Variants in BEAN1 observed in about 807,000 individuals in gnomAD.
BEAN1 encodes the protein protein BEAN1.
BEAN1 carries 17 observed loss-of-function variants against 17.7 expected under a neutral mutation model. The ratio of observed to expected loss-of-function variants is 0.96; its 90% CI spans 0.66 to 1.44. BEAN1 has a LOEUF of 1.44. Ranked by LOEUF, BEAN1 falls within the 40% of genes most tolerant of loss-of-function variation. The pLI, the probability that BEAN1 is intolerant of heterozygous loss-of-function variation, is 0.00. For missense variants in BEAN1, 359 were observed against 374.1 expected (o/e 0.96, Z 0.33); for synonymous variants, 142 against 151.8 (o/e 0.94, Z 0.47).
intron 4 of BEAN1, among the ~76,000 whole-genome samples, chr16:66,492,538 C>T (rs893158694): frequency 2.6e-5 from 4 of 152,040 alleles, no homozygotes; most frequent in African/African-American, 4.8e-5. Context: ...CTCCTGGGTT[C>T]GAGCAATTCT....
chr16:66,468,275 G>A (rs1160900506), intron 2 of BEAN1, among the ~76,000 whole-genome samples: 1 of 152,232 alleles, frequency 6.6e-6, no homozygotes, highest in Non-Finnish European at 1.5e-5. Context: ...GACACAGAGA[G>A]TGATCAAACA....
chr16:66,468,190 C>G (rs893236954), intron 2 of BEAN1, among the ~76,000 whole-genome samples: 3 of 152,226 alleles, frequency 2.0e-5, no homozygotes, highest in Non-Finnish European at 2.9e-5. Context: ...CCCATCTGGT[C>G]TCAAGACTGG....
intron 1 of BEAN1, among the ~76,000 whole-genome samples, chr16:66,433,472 C>T (rs1031148190): frequency 2.0e-5 from 3 of 152,184 alleles, no homozygotes; most frequent in African/African-American, 7.2e-5. Context: ...CTGCAGTCAC[C>T]GTTGCCTTTG....
intron 1 of BEAN1, among the ~76,000 whole-genome samples, chr16:66,436,266 C>CTTT (rs560577711): frequency 4.9e-4 from 59 of 120,606 alleles, no homozygotes; most frequent in African/African-American, 1.4e-3. Context: ...TTTTTCTTTT[C>CTTT]TTTTTTTTTT....
downstream of BEAN1, chr16:66,493,621 C>T (rs557704450): frequency 1.6e-4 from 82 of 526,620 alleles, 1 homozygote; most frequent in South Asian, 2.1e-3. Context: ...AGGTGGTCAC[C>T]GCCTCAGGGT....
At chr16:66,491,803 G>A (rs193111642) in intron 4 of BEAN1, among the ~76,000 whole-genome samples, 2 of 152,224 alleles carry the variant, frequency 1.3e-5, no homozygotes, top group East Asian at 1.9e-4. Context: ...ACTGCTGATC[G>A]TGACAGGAGG....
chr16:66,468,444 G>A (rs753321112), intron 2 of BEAN1, among the ~76,000 whole-genome samples: 3 of 152,246 alleles, frequency 2.0e-5, no homozygotes, highest in Non-Finnish European at 4.4e-5. Context: ...TTCATTGAAT[G>A]TCTGAAGCTG....
intron 2 of BEAN1, among the ~76,000 whole-genome samples, chr16:66,450,552 C>A (rs1962634395): frequency 6.6e-6 from 1 of 152,062 alleles, no homozygotes; most frequent in Middle Eastern, 3.4e-3. Flanking sequence ...CCTGTGTATA[C>A]AAACAAAATT....
chr16:66,484,765 G>C, downstream of BEAN1: 1 of 454,138 alleles, frequency 2.2e-6, no homozygotes, highest in South Asian at 1.6e-5. The surrounding 1 kb of genome is among the most constrained non-coding windows in gnomAD (Gnocchi z 4.2). Flanking sequence ...AGTCCCACTG[G>C]TGACTCTGAG....
chr16:66,493,443 G>A (rs890085665), exon 5 of BEAN1: 5 of 610,262 alleles, frequency 8.2e-6, no homozygotes, highest in African/African-American at 1.9e-5. Context: ...GTCCTCTAGG[G>A]CCCCCAGTGC....
chr16:66,451,057 ACT>A (rs974286580), intron 2 of BEAN1: 6 of 153,264 alleles, frequency 3.9e-5, no homozygotes, highest in Admixed American at 3.3e-4. Context: ...GACATATTAT[ACT>A]CTGTTAATAC....
chr16:66,439,694 G>A (rs924024398), intron 2 of BEAN1, among the ~76,000 whole-genome samples: 2 of 152,130 alleles, frequency 1.3e-5, no homozygotes, highest in Admixed American at 6.5e-5. Flanking sequence ...CCAATACCTA[G>A]CATGCAGTAG....
At chr16:66,487,195 G>A (rs1964101333), downstream of BEAN1, among the ~76,000 whole-genome samples, 1 of 152,218 alleles carries the variant, frequency 6.6e-6, no homozygotes, top group Non-Finnish European at 1.5e-5. Flanking sequence ...TGTTCCTGAA[G>A]AGGAACATAA....
chr16:66,465,523 T>C (rs1162352389), intron 2 of BEAN1, among the ~76,000 whole-genome samples: 1 of 152,242 alleles, frequency 6.6e-6, no homozygotes, highest in Non-Finnish European at 1.5e-5. Context: ...ATAAAATTTA[T>C]CACTTTAACC....
intron 2 of BEAN1, among the ~76,000 whole-genome samples, chr16:66,445,602 A>G (rs1287202201): frequency 1.3e-5 from 2 of 151,480 alleles, no homozygotes; most frequent in South Asian, 2.1e-4. Context: ...AGGGAGCCAT[A>G]CAGGTGTCTA....
At chr16:66,438,212 C>T (rs1369455951) in intron 2 of BEAN1, among the ~76,000 whole-genome samples, 2 of 151,902 alleles carry the variant, frequency 1.3e-5, no homozygotes, top group East Asian at 1.9e-4. Context: ...GGTGAAACCC[C>T]GTCTCTACTA....
chr16:66,459,464 C>T (rs1319956936), intron 2 of BEAN1, among the ~76,000 whole-genome samples: 3 of 152,138 alleles, frequency 2.0e-5, no homozygotes, highest in African/African-American at 7.2e-5. Flanking sequence ...GGATTACAAG[C>T]ACCTGCCACC....
chr16:66,493,547 C>T (rs1189492444), downstream of BEAN1: 2 of 581,188 alleles, frequency 3.4e-6, no homozygotes, highest in East Asian at 5.6e-5. Context: ...GGACATTTTC[C>T]TGAGAAGCCT....
intron 2 of BEAN1, among the ~76,000 whole-genome samples, chr16:66,445,101 C>T (rs1962394757): frequency 6.6e-6 from 1 of 152,198 alleles, no homozygotes; most frequent in Non-Finnish European, 1.5e-5. Flanking sequence ...ATGGTGCCAA[C>T]ATAGCCAGAA....
Sources: gnomAD v4.1 joint callset for allele counts (sites outside exome capture counted in the v4.1 genomes callset) on GRCh38, gnomAD v4.1.1 for gene constraint, Gnocchi (gnomAD v3.1) non-coding constraint, MANE v1.5 for transcripts, NCBI Gene and HGNC (gene_info 2026-07-23, HGNC 2026-07-21) for gene names.